KCNH7: variants seen among roughly 807,000 people sequenced by gnomAD.
KCNH7 encodes the protein potassium voltage-gated channel subfamily H member 7.
KCNH7 carries 49 observed loss-of-function variants against 120.8 expected under a neutral mutation model. The observed-to-expected ratio is 0.41, with a 90% confidence interval of 0.32 to 0.51. KCNH7 has a LOEUF of 0.51. Ranked by LOEUF, KCNH7 falls within the 20% of genes least tolerant of loss-of-function variation. The pLI is 0.38. For synonymous variants in KCNH7, 547 were observed against 516.1 expected, an observed-to-expected ratio of 1.06 and a Z score of -0.81; for missense variants, 1,097 against 1,446.6, an observed-to-expected ratio of 0.76 and a Z score of 3.92.
chr2:162,725,477 A>C (rs951859796), intron 2 of KCNH7, among the ~76,000 whole-genome samples: 1 of 152,166 alleles, frequency 6.6e-6, no homozygotes, highest in Admixed American at 6.5e-5. Context: ...CATTCAGAAT[A>C]TGTTCATACA....
rs1220662073 is a variant in KCNH7, at chr2:162,809,979, A to C, written c.307+26558T>G. ...CGCCCAGGCTGGAGTGCAGTGGCGC[A>C]ATCTCAGCTCACTGCAAGCTCCGCC... is the stretch of plus-strand genomic sequence containing the variant. On this transcript the variant is annotated intron_variant, in intron 2 of 15. Coordinates refer to ENST00000332142, the MANE Select transcript of KCNH7 (RefSeq NM_033272.4). Among the ~76,000 whole-genome samples, 4 of 18,210 alleles carry C rather than the reference A, an allele frequency of 2.2e-4. 2 individuals are homozygous for C. Among genetic ancestry groups the C allele is most frequent in the Non-Finnish European group, 5.7e-4 (4 of 7,048 alleles). 11.9% of individuals were successfully genotyped at this position (18,210 alleles called of 152,430 possible). A position where few individuals can be genotyped will look rare whatever the true frequency, so the allele number is the denominator to read the frequency against.
chr2:162,490,819 G>T (rs1228572609), intron 6 of KCNH7, among the ~76,000 whole-genome samples: 3 of 152,182 alleles, frequency 2.0e-5, no homozygotes, highest in African/African-American at 7.2e-5. Context: ...TGTTAAGGGT[G>T]CTGCTGCAAA....
At position 162,509,048 on chromosome 2, in the gene KCNH7, C is replaced by A. The variant is rs554937264; in HGVS notation, c.913+3606G>T. Among the ~76,000 whole-genome samples, 6 of 151,526 alleles carry A rather than the reference C, an allele frequency of 4.0e-5. No individual in the cohort carries two copies. In the South Asian group the frequency reaches 8.3e-4, roughly 21 times the overall value. ...GGTGGAAAACAGGTAACCAAGTAGA[C>A]TAAACCAACAGCTGGAGAGTGCTTT... On this transcript the variant is annotated intron_variant, in intron 5 of 15. Transcript: ENST00000332142.
At chr2:162,639,976 T>A (rs1238697414) in intron 2 of KCNH7, among the ~76,000 whole-genome samples, 1 of 152,158 alleles carries the variant, frequency 6.6e-6, no homozygotes. Flanking sequence ...CAAGATTACT[T>A]AGGTGTCAAT....
At chr2:162,609,046 C>CG (rs1682873064) in intron 2 of KCNH7, among the ~76,000 whole-genome samples, 1 of 152,082 alleles carries the variant, frequency 6.6e-6, no homozygotes, top group Non-Finnish European at 1.5e-5. Flanking sequence ...ACACAGACAC[C>CG]GCCAGCCCCC....
chr2:162,789,703 A>G (rs1559135328), intron 2 of KCNH7, among the ~76,000 whole-genome samples: 1 of 152,002 alleles, frequency 6.6e-6, no homozygotes, highest in Non-Finnish European at 1.5e-5. Context: ...TAACAGGAAG[A>G]AAATTAGAAA....
At chr2:162,686,731 T>C (rs1685905903) in intron 2 of KCNH7, among the ~76,000 whole-genome samples, 1 of 152,116 alleles carries the variant, frequency 6.6e-6, no homozygotes, top group African/African-American at 2.4e-5. Flanking sequence ...TTCTTTCCTT[T>C]TATAAATGTG....
chr2:162,384,610 C>T, intron 13 of KCNH7, 78 bp downstream of exon 13: 1 of 1,323,740 alleles, frequency 7.6e-7, no homozygotes, highest in Non-Finnish European at 1.1e-6. Flanking sequence ...TGTGTCAGTA[C>T]AGTTCTTAAT....
intron 2 of KCNH7, among the ~76,000 whole-genome samples, chr2:162,599,388 A>G (rs1262385266): frequency 1.3e-5 from 2 of 152,036 alleles, no homozygotes; most frequent in African/African-American, 4.8e-5. Flanking sequence ...GCAAAGCTGT[A>G]AGTTAACAGT....
intron 6 of KCNH7, 65 bp downstream of exon 6, chr2:162,504,378 T>C: frequency 1.7e-6 from 2 of 1,193,078 alleles, no homozygotes; most frequent in South Asian, 2.6e-5. Flanking sequence ...AGAAAAAGAA[T>C]ATGTTTCATG....
intron 2 of KCNH7, among the ~76,000 whole-genome samples, chr2:162,637,281 G>C (rs1167401954): frequency 6.6e-6 from 1 of 151,856 alleles, no homozygotes; most frequent in East Asian, 1.9e-4. Flanking sequence ...CCTTTGCCAG[G>C]GCCTGTGGAG....
intron 2 of KCNH7, among the ~76,000 whole-genome samples, chr2:162,613,953 G>GT (rs201679969): frequency 0.19 from 27,644 of 143,036 alleles, 2,669 homozygotes; most frequent in Admixed American, 0.22. Context: ...CAAAGAGAAA[G>GT]TTTTTTTTTT....
intron 2 of KCNH7, among the ~76,000 whole-genome samples, chr2:162,606,634 G>A (rs925945948): frequency 2.6e-5 from 4 of 152,116 alleles, no homozygotes; most frequent in Non-Finnish European, 5.9e-5. Context: ...TCATATAAAT[G>A]AGAATTTGAG....
intron 2 of KCNH7, among the ~76,000 whole-genome samples, chr2:162,718,936 C>T (rs1687229827): frequency 6.6e-6 from 1 of 151,884 alleles, no homozygotes. Context: ...TTTTAAGAGT[C>T]AGAGTTAAAA....
intron 2 of KCNH7, among the ~76,000 whole-genome samples, chr2:162,578,030 C>A (rs1693747003): frequency 1.3e-5 from 2 of 151,976 alleles, no homozygotes; most frequent in African/African-American, 4.8e-5. Context: ...TCTGAGTATG[C>A]CTAATTCCAA....
At chr2:162,471,187 T>C (rs1306438279) in intron 6 of KCNH7, among the ~76,000 whole-genome samples, 1 of 151,376 alleles carries the variant, frequency 6.6e-6, no homozygotes, top group Non-Finnish European at 1.5e-5. Context: ...CCCTTCACTA[T>C]TGTCCTATGA....
chr2:162,384,608 T>C (rs1368259811), intron 13 of KCNH7, 80 bp downstream of exon 13: 4 of 1,314,424 alleles, frequency 3.0e-6, no homozygotes, highest in Non-Finnish European at 4.3e-6. Context: ...CATGTGTCAG[T>C]ACAGTTCTTA....
intron 10 of KCNH7, among the ~76,000 whole-genome samples, chr2:162,399,417 A>G (rs1018434380): frequency 6.6e-6 from 1 of 151,818 alleles, no homozygotes; most frequent in Admixed American, 6.6e-5. Context: ...ACATGTGCAC[A>G]ACGTGCAGGT....
At chr2:162,498,316 C>CATTTAATTTA (rs56162627) in intron 6 of KCNH7, among the ~76,000 whole-genome samples, 8,088 of 148,524 alleles carry the variant, frequency 0.054, 421 homozygotes, top group Admixed American at 0.17. Flanking sequence ...GGCCTTGTAG[C>CATTTAATTTA]ATTTAATTTA....
Sources: allele counts gnomAD v4.1 joint callset (sites outside exome capture counted in the v4.1 genomes callset), GRCh38; gene constraint gnomAD v4.1.1; transcripts MANE v1.5; gene names NCBI Gene and HGNC (gene_info 2026-07-23, HGNC 2026-07-21).